Variants in RPGRIP1 observed in about 807,000 individuals in gnomAD.
RPGRIP1 encodes the protein X-linked retinitis pigmentosa GTPase regulator-interacting protein 1.
RPGRIP1 carries 128 observed loss-of-function variants against 157.9 expected under a neutral mutation model. The observed-to-expected ratio is 0.81, with a 90% CI of 0.70 to 0.94. The LOEUF (loss-of-function observed/expected upper bound fraction) is 0.94. RPGRIP1 is among the 40% of genes least tolerant of loss of function. The pLI, the probability that RPGRIP1 is intolerant of heterozygous loss-of-function variation, is 0.00. For synonymous variants in RPGRIP1, 554 were observed against 571.6 expected, an observed-to-expected ratio of 0.97 and a Z score of 0.44; for missense variants, 1,486 against 1,545.8, an observed-to-expected ratio of 0.96 and a Z score of 0.65.
At chr14:21,304,833 G>A (rs992690657) in intron 6 of RPGRIP1, among the ~76,000 whole-genome samples, 2 of 149,986 alleles carry the variant, frequency 1.3e-5, no homozygotes, top group Non-Finnish European at 3.0e-5. Context: ...ATGGAGTCTC[G>A]CTCAGTTGCC....
intron 2 of RPGRIP1, 135 bp from the exon 3 acceptor site, chr14:21,294,542 A>T (rs760278539): frequency 1.7e-4 from 152 of 880,798 alleles, no homozygotes; most frequent in Non-Finnish European, 2.3e-4. Context: ...GTCATTTCTC[A>T]TACTTCCTGA....
rs1055644990 is a variant in RPGRIP1, at chr14:21,321,269, C to T, written c.1478C>T (p.Pro493Leu). ...CGTTTCCCTCTACAGCCAAGTGAAC[C>T]CAAAAACCAAGAAGAAAAGAAACTG... ...QENTQIEPSE[P>L]KNQEEKKLSQ... The change falls in exon 13 of 25, where the codon CCC (proline) becomes CTC (leucine). Residue 493 changes from proline to leucine, a missense_variant. Pro to Leu is a moderately conservative substitution (Grantham distance 98). Coordinates refer to ENST00000400017, the MANE Select transcript of RPGRIP1 (RefSeq NM_020366.4). The T allele has an allele frequency of 9.9e-6, 16 of 1,612,754 alleles. No homozygotes were observed. Among genetic ancestry groups the T allele is most frequent in the Non-Finnish European group, 1.4e-5 (16 of 1,179,520 alleles).
intron 24 of RPGRIP1, among the ~76,000 whole-genome samples, chr14:21,349,595 TTTC>T (rs1189270382): frequency 1.3e-5 from 2 of 151,140 alleles, no homozygotes; most frequent in Non-Finnish European, 2.9e-5. Context: ...AGAGATGGGG[TTTC>T]TTCATGTTGG....
chr14:21,307,778 TA>T lies in RPGRIP1; in HGVS notation c.849del (p.Leu283PhefsTer10). The T allele has an allele frequency of 2.5e-6, 4 of 1,570,270 alleles. No homozygotes were observed. Among genetic ancestry groups the T allele is most frequent in the Non-Finnish European group, 3.5e-6 (4 of 1,157,458 alleles). On this transcript the variant is annotated frameshift_variant, in exon 7 of 25. Coordinates refer to ENST00000400017, the MANE Select transcript of RPGRIP1 (RefSeq NM_020366.4). LOFTEE classifies it high-confidence loss of function. ...GAGCTGATTCGACTTAAGAAGCTCT[TA>T]CATGAAAGAAATGCTTCATTGGTTA... is the stretch of plus-strand genomic sequence containing the variant. Reference protein sequence around the residue: ...KVELIRLKKLLHERNASLVMT... With the variant: ...KVELIRLKKLXHERNASLVMT...
In RPGRIP1 at chr14:21,325,985, C is replaced by G. The variant is rs769362715; in HGVS notation, c.2522C>G (p.Ala841Gly). Residue 841 changes from alanine (A) to glycine (G), a missense_variant, in exon 17 of 25, where the codon GCC becomes GGC. Coordinates refer to ENST00000400017, the MANE Select transcript of RPGRIP1 (RefSeq NM_020366.4). The part of the protein sequence containing the change: ...FSDHDTAIIP[A>G]SNNPYFRDQA... Reference sequence around the variant, plus strand: ...GACCATGACACTGCCATCATTCCAGCCAGTAACAACCCCTACTTTAGAGAC... The same window carrying G: ...GACCATGACACTGCCATCATTCCAGGCAGTAACAACCCCTACTTTAGAGAC... The G allele has an allele frequency of 6.2e-7, 1 of 1,613,990 alleles. No homozygotes were observed. The highest frequency in any genetic ancestry group is 2.2e-5 in the East Asian group (1 of 44,882).
chr14:21,309,215 C>A (rs1881445578), intron 7 of RPGRIP1, among the ~76,000 whole-genome samples: 1 of 152,110 alleles, frequency 6.6e-6, no homozygotes, highest in African/African-American at 2.4e-5. Flanking sequence ...AGTGCCAGAT[C>A]AGAAAAGGAT....
chr14:21,324,559 C>G, intron 14 of RPGRIP1, 59 bp from the exon 15 acceptor site: 1 of 1,404,818 alleles, frequency 7.1e-7, no homozygotes, highest in East Asian at 2.3e-5. Flanking sequence ...CCACCCTCCT[C>G]TACCCTAAGA....
chr14:21,303,893 C>A (rs1428828120), intron 6 of RPGRIP1, among the ~76,000 whole-genome samples: 1 of 151,432 alleles, frequency 6.6e-6, no homozygotes, highest in Non-Finnish European at 1.5e-5. Flanking sequence ...GAGGCTGAGG[C>A]AGGAGAATCA....
chr14:21,297,408 T>G (rs1880833478), intron 3 of RPGRIP1, among the ~76,000 whole-genome samples: 1 of 152,100 alleles, frequency 6.6e-6, no homozygotes, highest in Non-Finnish European at 1.5e-5. Flanking sequence ...TGGGAAAAAC[T>G]CTTAACTTCA....
chr14:21,317,468 A>T, intron 10 of RPGRIP1: 1 of 1,059,820 alleles, frequency 9.4e-7, no homozygotes, highest in Non-Finnish European at 1.3e-6. Context: ...GTGTTTGCTC[A>T]GTCAGATATC....
At chr14:21,287,575 A>G (rs10135556) in intron 1 of RPGRIP1, among the ~76,000 whole-genome samples, 43,566 of 152,034 alleles carry the variant, frequency 0.29, 6,445 homozygotes, top group Middle Eastern at 0.33. Flanking sequence ...ATTGTAGGCT[A>G]TAAACTGATT....
At chr14:21,315,399 C>A (rs1462423483) in intron 10 of RPGRIP1, among the ~76,000 whole-genome samples, 2 of 149,046 alleles carry the variant, frequency 1.3e-5, no homozygotes, top group Non-Finnish European at 3.0e-5. Context: ...CCCAGCTACT[C>A]GGGAGGCTGA....
intron 14 of RPGRIP1, among the ~76,000 whole-genome samples, chr14:21,323,119 T>C (rs1408352682): frequency 2.0e-5 from 3 of 152,028 alleles, no homozygotes; most frequent in African/African-American, 7.3e-5. Flanking sequence ...TTAGTGAGCA[T>C]GGAATAGAAT....
chr14:21,297,881 T>TTTCTTTCTTTCTTTCTTTC (rs1555365068), intron 3 of RPGRIP1, among the ~76,000 whole-genome samples: 787 of 17,546 alleles, frequency 0.045, 12 homozygotes, highest in African/African-American at 0.086. Flanking sequence ...TTCTTTCTTT[T>TTTCTTTCTTTCTTTCTTTC]TTTTGAGATA....
At chr14:21,339,067 T>G (rs1594254374) in intron 21 of RPGRIP1, among the ~76,000 whole-genome samples, 1 of 151,730 alleles carries the variant, frequency 6.6e-6, no homozygotes, top group Non-Finnish European at 1.5e-5. Context: ...GCCCAGGAGG[T>G]GGAGGTTGCA....
At chr14:21,312,636 C>G (rs1260085833) in intron 10 of RPGRIP1, 130 bp downstream of exon 10, 12 of 557,198 alleles carry the variant, frequency 2.2e-5, no homozygotes, top group Non-Finnish European at 2.5e-5. Context: ...GAATATTAAT[C>G]GGCAGTCTTT....
At chr14:21,309,855 T>TGA (rs1465414779) in intron 7 of RPGRIP1, among the ~76,000 whole-genome samples, 1 of 151,936 alleles carries the variant, frequency 6.6e-6, no homozygotes, top group African/African-American at 2.4e-5. Context: ...TTTGGGAGGC[T>TGA]GAGGTGGGTG....
intron 21 of RPGRIP1, 46 bp downstream of exon 21, chr14:21,334,751 T>C (rs1884157642): frequency 1.5e-6 from 2 of 1,292,646 alleles, no homozygotes; most frequent in Non-Finnish European, 2.2e-6. Context: ...AGACGATAAA[T>C]AATGACAGTG....
chr14:21,310,573 C>T lies in RPGRIP1; in HGVS notation c.907-11C>T. ...TAAATCAATAAAATAATAATAATTTCTTTCTTCCAGGCATACGAAACCTTG... is the reference window on the plus strand; with the variant it reads ...TAAATCAATAAAATAATAATAATTTTTTTCTTCCAGGCATACGAAACCTTG... On this transcript the variant is annotated splice_polypyrimidine_tract_variant and intron_variant, in intron 7 of 24. Coordinates refer to ENST00000400017, the MANE Select transcript of RPGRIP1 (RefSeq NM_020366.4). 1 of 1,345,538 alleles carries T rather than the reference C, an allele frequency of 7.4e-7. No homozygotes were observed. Among genetic ancestry groups the T allele is most frequent in the Non-Finnish European group, 1.0e-6 (1 of 988,218 alleles). 83.3% of individuals were successfully genotyped at this position (1,345,538 alleles called of 1,614,324 possible). A position where few individuals can be genotyped will look rare whatever the true frequency, so the allele number is the denominator to read the frequency against.
Sources: allele counts gnomAD v4.1 joint callset (sites outside exome capture counted in the v4.1 genomes callset), GRCh38; gene constraint gnomAD v4.1.1; transcripts MANE v1.5; gene names NCBI Gene and HGNC (gene_info 2026-07-23, HGNC 2026-07-21).